ARMH1: variants seen among roughly 807,000 people sequenced by gnomAD.
The protein encoded by ARMH1 is armadillo like helical domain containing 1.
ARMH1 carries 34 observed loss-of-function variants against 50.2 expected under a neutral mutation model. That is an observed-to-expected ratio of 0.68 (90% CI 0.51 to 0.90). The LOEUF (loss-of-function observed/expected upper bound fraction) is 0.90, where lower values mean the gene tolerates loss of function less well. Ranked by LOEUF, ARMH1 falls within the 40% of genes least tolerant of loss-of-function variation. ARMH1 has a pLI of 0.00. For missense variants in ARMH1, 538 were observed against 553.9 expected, an observed-to-expected ratio of 0.97 and a Z score of 0.29; for synonymous variants, 221 against 224.2, an observed-to-expected ratio of 0.99 and a Z score of 0.13.
At chr1:44,694,501 CTTTTTT>C (rs1007811191) in intron 2 of ARMH1, among the ~76,000 whole-genome samples, 2 of 128,280 alleles carry the variant, frequency 1.6e-5, no homozygotes, top group East Asian at 5.3e-4. Context: ...GAGTCTTTTT[CTTTTTT>C]TCTTTTTTTT....
chr1:44,694,327 A>G (rs1645753375), intron 2 of ARMH1, among the ~76,000 whole-genome samples: 1 of 152,162 alleles, frequency 6.6e-6, no homozygotes, highest in South Asian at 2.1e-4. Flanking sequence ...ATTTTGGAGG[A>G]AAACAAGTCA....
Position 44,700,615 on chromosome 1 carries a change from C to CA in ARMH1, c.443-289dup, listed in dbSNP as rs71587059. Reference sequence around the variant, plus strand: ...TGGGCAACAGACAGAGACTCCATCTCAAAAAAAAAAAAAAAAAAAGAGTTA... The same window carrying CA: ...TGGGCAACAGACAGAGACTCCATCTCAAAAAAAAAAAAAAAAAAAAGAGTTA... On this transcript the variant is annotated intron_variant, in intron 4 of 11. Coordinates refer to ENST00000535358, the MANE Select transcript of ARMH1 (RefSeq NM_001145636.2). Among the ~76,000 whole-genome samples, 455 of 61,698 alleles carry CA rather than the reference C, an allele frequency of 7.4e-3. 4 individuals are homozygous for CA. The highest frequency in any genetic ancestry group is 0.011 in the East Asian group (26 of 2,352). The allele number at this position is 61,698 out of a possible 152,430, so 40.5% of individuals were successfully genotyped here.
intron 1 of ARMH1, among the ~76,000 whole-genome samples, chr1:44,678,417 G>A (rs1053429640): frequency 6.6e-6 from 1 of 152,110 alleles, no homozygotes; most frequent in African/African-American, 2.4e-5. Flanking sequence ...GGTGGGGGCA[G>A]ATGGAGTCTA....
At chr1:44,721,230 C>G (rs1647101973) in intron 6 of ARMH1, among the ~76,000 whole-genome samples, 1 of 152,040 alleles carries the variant, frequency 6.6e-6, no homozygotes, top group Non-Finnish European at 1.5e-5. Context: ...ACCAGGTGGT[C>G]CAGAGAACCT....
rs1334054034 is a variant in ARMH1 at position 44,725,228 on chromosome 1, G to A, written c.1210+11G>A. 2.6e-6 allele frequency: 4 copies of A among 1,551,684 alleles called. No individual in the cohort carries two copies. Among genetic ancestry groups the A allele is most frequent in the South Asian group, 1.2e-5 (1 of 84,054 alleles). ...TCAATGTTACCAAAGGTGAGTGTGG[G>A]ACGAGGGAAGCCGGGCGCAGGCGCC... On this transcript the variant is annotated intron_variant, in intron 11 of 11. Transcript: ENST00000535358.
intron 1 of ARMH1, 108 bp from the exon 2 acceptor site, chr1:44,689,568 A>G: frequency 3.6e-6 from 3 of 844,880 alleles, no homozygotes; most frequent in Non-Finnish European, 5.7e-6. Context: ...AACTACATCC[A>G]TTTGCATGAT....
chr1:44,721,611 T>C (rs1041839421), intron 6 of ARMH1, among the ~76,000 whole-genome samples: 2 of 151,958 alleles, frequency 1.3e-5, no homozygotes, highest in South Asian at 2.1e-4. Flanking sequence ...TACACAAAAT[T>C]AGACAGGCTT....
At chr1:44,693,144 G>A (rs1352775612) in intron 2 of ARMH1, 1 of 152,168 alleles carries the variant, frequency 6.6e-6, no homozygotes. Flanking sequence ...ATTGAGGGTG[G>A]AACCCTGGAC....
chr1:44,710,501 C>T (rs1166520433), intron 6 of ARMH1, among the ~76,000 whole-genome samples: 2 of 149,446 alleles, frequency 1.3e-5, no homozygotes, highest in Admixed American at 6.8e-5. Flanking sequence ...CTCAGCTACT[C>T]GGGAGGCTGA....
chr1:44,706,363 C>T (rs539377596), intron 6 of ARMH1, among the ~76,000 whole-genome samples: 1 of 152,264 alleles, frequency 6.6e-6, no homozygotes, highest in Admixed American at 6.5e-5. Context: ...TCAGAGTAGG[C>T]AGGGCCCAGG....
At chr1:44,723,154 G>A (rs1433193358) in intron 6 of ARMH1, among the ~76,000 whole-genome samples, 1 of 151,450 alleles carries the variant, frequency 6.6e-6, no homozygotes, top group Non-Finnish European at 1.5e-5. Flanking sequence ...CTCTAGCTCT[G>A]TGGTTCCTTT....
At chr1:44,697,293 G>A in intron 3 of ARMH1, 123 bp downstream of exon 3, 1 of 760,460 alleles carries the variant, frequency 1.3e-6, no homozygotes, top group Non-Finnish European at 2.3e-6. Context: ...GTAGCTCTTG[G>A]GATGGGCCCA....
At chr1:44,719,932 C>T (rs1573486504) in intron 6 of ARMH1, among the ~76,000 whole-genome samples, 4 of 152,074 alleles carry the variant, frequency 2.6e-5, no homozygotes, top group African/African-American at 9.6e-5. Flanking sequence ...CAGTGGCTCA[C>T]GCCTGTAATC....
chr1:44,721,815 T>G (rs559323562), intron 6 of ARMH1: 3 of 152,254 alleles, frequency 2.0e-5, no homozygotes, highest in South Asian at 2.1e-4. Flanking sequence ...TTCAAAAAAT[T>G]TAACCATAAA....
At chr1:44,713,394 C>T (rs1050913260) in intron 6 of ARMH1, among the ~76,000 whole-genome samples, 4 of 152,168 alleles carry the variant, frequency 2.6e-5, no homozygotes, top group South Asian at 2.1e-4. Flanking sequence ...TCACTGCACC[C>T]GGCCCTGCTT....
At chr1:44,700,427 C>T (rs756827655) in intron 4 of ARMH1, among the ~76,000 whole-genome samples, 18 of 152,066 alleles carry the variant, frequency 1.2e-4, no homozygotes, top group Non-Finnish European at 8.8e-5. Context: ...ACCATCCTGG[C>T]TAACACTGTG....
intron 2 of ARMH1, among the ~76,000 whole-genome samples, chr1:44,695,221 T>C (rs1645786526): frequency 1.3e-5 from 2 of 152,318 alleles, no homozygotes; most frequent in Non-Finnish European, 2.9e-5. Context: ...GTTATTGACC[T>C]GAGATTGTTA....
chr1:44,675,181 C>A (rs986087370), intron 1 of ARMH1, among the ~76,000 whole-genome samples: 3 of 152,134 alleles, frequency 2.0e-5, no homozygotes, highest in Non-Finnish European at 2.9e-5. Context: ...TTGGCCCTCC[C>A]TCTCCCATGT....
rs1645315418 is a variant in ARMH1, at chr1:44,681,592, T to C, written c.-23+6719T>C. On this transcript the variant is annotated intron_variant, in intron 1 of 11. Coordinates refer to ENST00000535358, the MANE Select transcript of ARMH1 (RefSeq NM_001145636.2). This position sits in a 1 kb window ranked among gnomAD's most constrained non-coding sequence, Gnocchi z 4.3. The stretch of plus-strand genomic sequence containing the variant: ...AGGGAGGCAGGAGTAATGAGTAGAA[T>C]GAGGGCCCTGAGAAGGCGGGGTGGA... 4.6e-5 allele frequency among the ~76,000 whole-genome samples: 7 copies of C among 151,956 alleles called. No homozygotes were observed. The South Asian group carries it at 1.5e-3, about 32-fold the overall frequency.
Sources: allele counts gnomAD v4.1 joint callset (sites outside exome capture counted in the v4.1 genomes callset), GRCh38; gene constraint gnomAD v4.1.1; non-coding constraint Gnocchi (gnomAD v3.1); transcripts MANE v1.5; gene names NCBI Gene and HGNC (gene_info 2026-07-23, HGNC 2026-07-21).